The following SPIDR variants were observed in gnomAD, a reference collection of about 807,000 sequenced individuals.
SPIDR encodes scaffold protein involved in DNA repair, also known as DNA repair-scaffolding protein.
Under a neutral mutation model 104.6 loss-of-function variants are expected in SPIDR, and 93 were observed. The ratio of observed to expected loss-of-function variants is 0.89; its 90% CI spans 0.75 to 1.06. The LOEUF (loss-of-function observed/expected upper bound fraction) is 1.06. Among genes scored for constraint, SPIDR ranks in the 50% least tolerant of loss-of-function variants. The pLI, the probability that SPIDR is intolerant of heterozygous loss-of-function variation, is 0.00. For synonymous variants in SPIDR, 431 were observed against 416.9 expected (o/e 1.03, Z -0.41); for missense variants, 1,154 against 1,111.2 (o/e 1.04, Z -0.55).
At chr8:47,419,788 G>C (rs527570481) in intron 7 of SPIDR, among the ~76,000 whole-genome samples, 5 of 151,948 alleles carry the variant, frequency 3.3e-5, no homozygotes, top group African/African-American at 1.2e-4. Context: ...ACACTGCTTT[G>C]AATATGTCCC....
At chr8:47,424,016 ATTTTAG>A (rs2066007392) in intron 7 of SPIDR, among the ~76,000 whole-genome samples, 1 of 152,132 alleles carries the variant, frequency 6.6e-6, no homozygotes, top group Non-Finnish European at 1.5e-5. Context: ...TGCTCTCCTT[ATTTTAG>A]AGATGAGGAC....
At chr8:47,442,072 C>T (rs927195390) in intron 8 of SPIDR, among the ~76,000 whole-genome samples, 1 of 152,152 alleles carries the variant, frequency 6.6e-6, no homozygotes, top group African/African-American at 2.4e-5. Context: ...GGACTACTCA[C>T]ATCTCATTAA....
At chr8:47,584,336 TA>T (rs1217486067) in intron 8 of SPIDR, among the ~76,000 whole-genome samples, 4 of 152,172 alleles carry the variant, frequency 2.6e-5, no homozygotes, top group Non-Finnish European at 4.4e-5. Context: ...AGATTTCAAA[TA>T]TATGTTTACC....
intron 19 of SPIDR, among the ~76,000 whole-genome samples, chr8:47,732,904 T>C (rs573354624): frequency 3.7e-4 from 57 of 152,350 alleles, no homozygotes; most frequent in African/African-American, 1.3e-3. Flanking sequence ...TTCTCAATAG[T>C]AACATTATTG....
intron 8 of SPIDR, among the ~76,000 whole-genome samples, chr8:47,530,046 C>A (rs1359485241): frequency 6.6e-6 from 1 of 152,182 alleles, no homozygotes; most frequent in African/African-American, 2.4e-5. Flanking sequence ...TTATACAAGC[C>A]TAGGTGATAT....
At chr8:47,687,583 T>TA (rs1056755161) in intron 11 of SPIDR, among the ~76,000 whole-genome samples, 1 of 152,206 alleles carries the variant, frequency 6.6e-6, no homozygotes, top group African/African-American at 2.4e-5. Flanking sequence ...AGGGCATAAT[T>TA]GTAGATTGTA....
At chr8:47,719,950 G>A (rs1416427817) in intron 16 of SPIDR, among the ~76,000 whole-genome samples, 4 of 152,276 alleles carry the variant, frequency 2.6e-5, no homozygotes, top group Middle Eastern at 3.4e-3. Context: ...ATGTACTACC[G>A]TTACCATTAG....
chr8:47,605,152 T>G (rs983894897), intron 10 of SPIDR, among the ~76,000 whole-genome samples: 1 of 152,066 alleles, frequency 6.6e-6, no homozygotes, highest in Non-Finnish European at 1.5e-5. Context: ...GGAAAGCAGG[T>G]AGAAGAGGAG....
chr8:47,440,547 G>T lies in SPIDR; in HGVS notation c.1097+5G>T. The T allele has an allele frequency of 6.2e-7, 1 of 1,610,946 alleles. No homozygotes were observed. Among genetic ancestry groups the T allele is most frequent in the East Asian group, 2.2e-5 (1 of 44,804 alleles). ...TGTCCGGATCTTCCCTCCCTGGTGA[G>T]TGCGCAGAACTTAATCCAGCAGTCA... On this transcript the variant is annotated splice_donor_5th_base_variant and intron_variant, in intron 8 of 19. Coordinates refer to ENST00000297423, the MANE Select transcript of SPIDR (RefSeq NM_001080394.4).
chr8:47,491,759 A>C (rs552199579), intron 8 of SPIDR, among the ~76,000 whole-genome samples: 1 of 152,242 alleles, frequency 6.6e-6, no homozygotes, highest in South Asian at 2.1e-4. Context: ...CTGAGGCAGG[A>C]AGATAGTTTG....
chr8:47,412,493 A>G (rs962946387), intron 7 of SPIDR, among the ~76,000 whole-genome samples: 1 of 152,160 alleles, frequency 6.6e-6, no homozygotes, highest in East Asian at 1.9e-4. Flanking sequence ...TTTCTTTCCA[A>G]TATTTTACCA....
At chr8:47,627,257 A>G (rs971370774) in intron 10 of SPIDR, among the ~76,000 whole-genome samples, 1 of 152,140 alleles carries the variant, frequency 6.6e-6, no homozygotes, top group Non-Finnish European at 1.5e-5. Flanking sequence ...GGGAGCGGGG[A>G]GGGATAGCAT....
chr8:47,283,955 A>G, intron 2 of SPIDR, 73 bp from the exon 3 acceptor site: 1 of 1,141,062 alleles, frequency 8.8e-7, no homozygotes, highest in African/African-American at 1.6e-5. Flanking sequence ...GTAGTTTAAG[A>G]TTTTGAATAT....
intron 5 of SPIDR, among the ~76,000 whole-genome samples, chr8:47,304,933 A>C (rs906793011): frequency 2.8e-4 from 42 of 152,304 alleles, no homozygotes; most frequent in African/African-American, 8.9e-4. Context: ...GTTGTTATAA[A>C]AATTTTCTGT....
At chr8:47,553,281 T>G (rs2090846049) in intron 8 of SPIDR, among the ~76,000 whole-genome samples, 1 of 152,224 alleles carries the variant, frequency 6.6e-6, no homozygotes, top group African/African-American at 2.4e-5. Context: ...TGGCATTCTC[T>G]GTATTTCCTG....
rs2154494028 is a variant in SPIDR, at chr8:47,729,443, G to A, written c.2582G>A (p.Arg861Lys). The change falls in exon 19 of 20, where the codon AGG (arginine) becomes AAG (lysine). Residue 861 changes from arginine (R) to lysine (K), a missense_variant. Coordinates refer to ENST00000297423, the MANE Select transcript of SPIDR (RefSeq NM_001080394.4). ...LLQRSISSLL[R>K]FAAGEDGSYE... ...CAGCGCAGCATTTCCTCCCTGCTGA[G>A]GTTTGCCGCCGGTGAAGATGGGGTA... The A allele has an allele frequency of 6.3e-7, 1 of 1,598,482 alleles. No homozygotes were observed.
chr8:47,651,309 C>T (rs2071578969), intron 10 of SPIDR, among the ~76,000 whole-genome samples: 1 of 152,120 alleles, frequency 6.6e-6, no homozygotes, highest in Non-Finnish European at 1.5e-5. Flanking sequence ...AGATATTTCT[C>T]AAAAGATGAC....
At chr8:47,533,684 C>A (rs1024088028) in intron 8 of SPIDR, among the ~76,000 whole-genome samples, 4 of 152,300 alleles carry the variant, frequency 2.6e-5, no homozygotes, top group Admixed American at 6.5e-5. Context: ...CATCACTGAT[C>A]ATTAGAGAAA....
chr8:47,364,650 G>T (rs1259890177), intron 5 of SPIDR, among the ~76,000 whole-genome samples: 1 of 152,058 alleles, frequency 6.6e-6, no homozygotes, highest in Non-Finnish European at 1.5e-5. Context: ...TCTTTCAGTT[G>T]CAGCAAATCT....
Sources: gnomAD v4.1 joint callset for allele counts (sites outside exome capture counted in the v4.1 genomes callset) on GRCh38, gnomAD v4.1.1 for gene constraint, MANE v1.5 for transcripts, NCBI Gene and HGNC (gene_info 2026-07-23, HGNC 2026-07-21) for gene names.